The following LRRC4C variants were observed in gnomAD, a reference collection of about 807,000 sequenced individuals.
The protein encoded by LRRC4C is leucine-rich repeat-containing protein 4C.
LRRC4C carries 5 observed loss-of-function variants against 33.6 expected under a neutral mutation model. The observed-to-expected ratio is 0.15, with a 90% CI of 0.08 to 0.31. The LOEUF is 0.31. Ranked by LOEUF, LRRC4C falls within the 10% of genes least tolerant of loss-of-function variation. LRRC4C has a pLI of 1.00. For missense variants in LRRC4C, 560 were observed against 796.7 expected (o/e 0.70, Z 3.58); for synonymous variants, 329 against 302.0 (o/e 1.09, Z -0.93).
intron 1 of LRRC4C, among the ~76,000 whole-genome samples, chr11:40,979,058 C>G (rs1204012628): frequency 6.6e-6 from 1 of 152,160 alleles, no homozygotes; most frequent in African/African-American, 2.4e-5. Context: ...ACATTGTCCC[C>G]TCTGACCTGT....
chr11:40,554,127 A>G (rs1429782567), intron 3 of LRRC4C, among the ~76,000 whole-genome samples: 1 of 152,156 alleles, frequency 6.6e-6, no homozygotes, highest in Non-Finnish European at 1.5e-5. Flanking sequence ...TATGGTAAGA[A>G]GTATGGGTCC....
intron 6 of LRRC4C, among the ~76,000 whole-genome samples, chr11:40,120,219 A>G (rs1333197056): frequency 6.6e-6 from 1 of 152,146 alleles, no homozygotes; most frequent in Non-Finnish European, 1.5e-5. Context: ...TAAAACAATT[A>G]CTAAACAAAA....
intron 1 of LRRC4C, among the ~76,000 whole-genome samples, chr11:41,200,400 A>G (rs1946356489): frequency 6.6e-6 from 1 of 152,178 alleles, no homozygotes; most frequent in Non-Finnish European, 1.5e-5. Context: ...TGTCTGCATT[A>G]CTGCACCTGA....
chr11:40,529,787 C>G (rs1185061266), intron 3 of LRRC4C, among the ~76,000 whole-genome samples: 2 of 152,088 alleles, frequency 1.3e-5, no homozygotes, highest in African/African-American at 4.8e-5. Context: ...TTTCTAGTAA[C>G]TCTATGTTGA....
intron 1 of LRRC4C, among the ~76,000 whole-genome samples, chr11:41,017,179 CTT>C (rs1185300605): frequency 3.9e-5 from 6 of 152,106 alleles, no homozygotes; most frequent in African/African-American, 1.4e-4. Flanking sequence ...TCACAAATAT[CTT>C]TATATTTTGG....
intron 1 of LRRC4C, among the ~76,000 whole-genome samples, chr11:41,238,365 A>T (rs947328675): frequency 6.6e-6 from 1 of 152,142 alleles, no homozygotes; most frequent in Non-Finnish European, 1.5e-5. Flanking sequence ...TTTGACCTAT[A>T]TTTAATAATA....
intron 1 of LRRC4C, among the ~76,000 whole-genome samples, chr11:41,133,476 T>TCCCCCCCCCCC (rs199931314): frequency 1.4e-5 from 2 of 141,838 alleles, no homozygotes; most frequent in African/African-American, 5.6e-5. Flanking sequence ...AAAATCCTAA[T>TCCCCCCCCCCC]CCCCCCCCCG....
intron 3 of LRRC4C, among the ~76,000 whole-genome samples, chr11:40,566,672 C>T (rs1209607153): frequency 1.3e-5 from 2 of 152,070 alleles, no homozygotes; most frequent in African/African-American, 4.8e-5. Context: ...TCTTTCACTG[C>T]TAATGAACAT....
At chr11:40,615,416 A>G (rs1034756897) in intron 3 of LRRC4C, among the ~76,000 whole-genome samples, 1 of 151,260 alleles carries the variant, frequency 6.6e-6, no homozygotes, top group Non-Finnish European at 1.5e-5. Context: ...TATATGTGTT[A>G]CTTCTGATGA....
At chr11:41,173,212 G>C (rs1027894532) in intron 1 of LRRC4C, among the ~76,000 whole-genome samples, 1 of 152,108 alleles carries the variant, frequency 6.6e-6, no homozygotes, top group South Asian at 2.1e-4. Context: ...TAATTATAAA[G>C]AGGCTTCTCC....
chr11:41,000,155 A>T (rs1854275147), intron 1 of LRRC4C, among the ~76,000 whole-genome samples: 1 of 152,180 alleles, frequency 6.6e-6, no homozygotes, highest in Non-Finnish European at 1.5e-5. Flanking sequence ...TGAGTATTTT[A>T]AAACAACAGA....
intron 1 of LRRC4C, among the ~76,000 whole-genome samples, chr11:41,011,485 T>A (rs1392504187): frequency 6.6e-6 from 1 of 152,176 alleles, no homozygotes; most frequent in East Asian, 1.9e-4. Flanking sequence ...TTCTACTTTA[T>A]TTTCTGTTTT....
chr11:40,984,395 GAAAGAAAGAAAGAAAGAA>G (rs1852818701), intron 1 of LRRC4C, among the ~76,000 whole-genome samples: 1 of 85,370 alleles, frequency 1.2e-5, no homozygotes, highest in Non-Finnish European at 3.0e-5. Flanking sequence ...AAGAAAGAAA[GAAAGAAAGAAAGAAAGAA>G]AGAGAAAGAA....
intron 3 of LRRC4C, among the ~76,000 whole-genome samples, chr11:40,550,802 T>G (rs1957100586): frequency 8.2e-6 from 1 of 122,502 alleles, no homozygotes; most frequent in Admixed American, 7.4e-5. Flanking sequence ...CTCTAAATTT[T>G]GGGTGGAAAA....
intron 3 of LRRC4C, among the ~76,000 whole-genome samples, chr11:40,381,691 A>G (rs998945237): frequency 2.0e-5 from 3 of 151,964 alleles, no homozygotes; most frequent in African/African-American, 7.3e-5. Context: ...TAACAAAGCC[A>G]CCTCTATCCT....
chr11:41,246,070 G>T (rs1279775715), intron 1 of LRRC4C, among the ~76,000 whole-genome samples: 1 of 152,114 alleles, frequency 6.6e-6, no homozygotes, highest in Non-Finnish European at 1.5e-5. Flanking sequence ...CTGAAGGTAG[G>T]ATTTCACCAG....
chr11:41,070,783 G>A (rs1057008750), intron 1 of LRRC4C, among the ~76,000 whole-genome samples: 4 of 152,178 alleles, frequency 2.6e-5, no homozygotes, highest in African/African-American at 9.7e-5. Flanking sequence ...TAGTGAGGCT[G>A]TGGAGAAATA....
Position 40,987,356 on chromosome 11 carries a change from A to G in LRRC4C, c.-495-53633T>C, listed in dbSNP as rs542262704. Reference sequence around the variant, plus strand: ...CTGTTTTGTAGATGAGAAAACAGAAACTGAGAGTTTAATAACTTGCTGAAA... The same window carrying G: ...CTGTTTTGTAGATGAGAAAACAGAAGCTGAGAGTTTAATAACTTGCTGAAA... On this transcript the variant is annotated intron_variant, in intron 1 of 6. Coordinates refer to ENST00000528697, the MANE Select transcript of LRRC4C (RefSeq NM_001258419.2). Among the ~76,000 whole-genome samples, 16 of 152,262 alleles carry G rather than the reference A, an allele frequency of 1.1e-4. No homozygotes were observed. In the East Asian group the frequency reaches 2.9e-3, roughly 28 times the overall value.
chr11:40,733,026 A>T (rs186785275), intron 2 of LRRC4C, among the ~76,000 whole-genome samples: 2 of 126,844 alleles, frequency 1.6e-5, no homozygotes, highest in Admixed American at 1.7e-4. Flanking sequence ...GTTGGAATGT[A>T]TGTCTGCCTG....
Sources: gnomAD v4.1 joint callset for allele counts (sites outside exome capture counted in the v4.1 genomes callset) on GRCh38, gnomAD v4.1.1 for gene constraint, MANE v1.5 for transcripts, NCBI Gene and HGNC (gene_info 2026-07-23, HGNC 2026-07-21) for gene names.